The following TDG variants were observed in gnomAD, a reference collection of about 807,000 sequenced individuals.
TDG encodes the protein G/T mismatch-specific thymine DNA glycosylase.
TDG carries 23 observed loss-of-function variants against 46.1 expected under a neutral mutation model. The ratio of observed to expected loss-of-function variants is 0.50; its 90% confidence interval spans 0.36 to 0.71. The LOEUF is 0.71. Ranked by LOEUF, TDG falls within the 30% of genes least tolerant of loss-of-function variation. TDG has a pLI of 0.00. For missense variants in TDG, 304 were observed against 486.7 expected (o/e 0.62, Z 3.53); for synonymous variants, 115 against 161.3 (o/e 0.71, Z 2.18).
At chr12:103,972,367 T>C (rs1871326772) in intron 1 of TDG, among the ~76,000 whole-genome samples, 1 of 152,212 alleles carries the variant, frequency 6.6e-6, no homozygotes, top group Non-Finnish European at 1.5e-5. Flanking sequence ...TCCAACCCCC[T>C]CGGCCTCCCA....
chr12:103,985,322 G>C (rs1872086947), intron 8 of TDG, among the ~76,000 whole-genome samples: 1 of 152,014 alleles, frequency 6.6e-6, no homozygotes. Context: ...CTTTTACCAA[G>C]GTCTTCCCTC....
At chr12:103,979,142 G>A (rs1593513820) in intron 2 of TDG, among the ~76,000 whole-genome samples, 1 of 109,160 alleles carries the variant, frequency 9.2e-6, no homozygotes, top group Admixed American at 1.3e-4. Context: ...TTGCTCTGTT[G>A]CCCAGGCTGG....
intron 2 of TDG, among the ~76,000 whole-genome samples, chr12:103,979,109 C>CTTTCTTT (rs571161901): frequency 1.2e-4 from 15 of 123,582 alleles, no homozygotes; most frequent in South Asian, 4.9e-4. Context: ...TTTTTTCTTT[C>CTTTCTTT]TTTTTTTTTT....
Position 103,987,270 on chromosome 12 carries a change from T to A in TDG, c.*180T>A, listed in dbSNP as rs1872212570. The A allele has an allele frequency of 3.5e-6, 3 of 866,536 alleles. No individual in the cohort carries two copies. Among genetic ancestry groups the A allele is most frequent in the Non-Finnish European group, 1.6e-6 (1 of 607,860 alleles). The allele number at this position is 866,536 out of a possible 1,614,324, so 53.7% of individuals were successfully genotyped here. On this transcript the variant is annotated 3_prime_UTR_variant, in exon 10 of 10. Transcript: ENST00000392872. ...AACCTAAGTAGTTTGGAAGAAAAAG[T>A]AGGGTTTTTGTATACTAGCTTTTGT...
intron 1 of TDG, among the ~76,000 whole-genome samples, chr12:103,973,683 G>A (rs2583272): frequency 6.6e-6 from 1 of 152,066 alleles, no homozygotes; most frequent in Non-Finnish European, 1.5e-5. Flanking sequence ...GGAAAAAAAG[G>A]ACATTTTACT....
chr12:103,979,524 ATG>A (rs1871713569), intron 2 of TDG, among the ~76,000 whole-genome samples: 1 of 152,188 alleles, frequency 6.6e-6, no homozygotes, highest in Non-Finnish European at 1.5e-5. Context: ...ATAAAATGAT[ATG>A]TAGATACTTT....
At chr12:103,985,011 A>C in intron 8 of TDG, 91 bp downstream of exon 8, 2 of 1,000,302 alleles carry the variant, frequency 2.0e-6, no homozygotes, top group South Asian at 2.4e-5. Context: ...ACATATATAC[A>C]TATACACATA....
chr12:103,974,495 A>T (rs1400128940), intron 1 of TDG, among the ~76,000 whole-genome samples: 1 of 151,718 alleles, frequency 6.6e-6, no homozygotes, highest in South Asian at 2.1e-4. Flanking sequence ...TGCCCCGGCC[A>T]CTCTTGAATT....
At chr12:103,974,838 T>C (rs4964163) in intron 1 of TDG, among the ~76,000 whole-genome samples, 13,340 of 150,794 alleles carry the variant, frequency 0.088, 769 homozygotes, top group East Asian at 0.31. Flanking sequence ...CTGGGTGTGG[T>C]GGTGGGGGCG....
chr12:103,981,410 T>A (rs1456133713), intron 4 of TDG, among the ~76,000 whole-genome samples: 4 of 151,912 alleles, frequency 2.6e-5, no homozygotes, highest in Non-Finnish European at 5.9e-5. Flanking sequence ...TAATTTTGTA[T>A]TTTTAGTAGA....
chr12:103,966,082 C>A (rs1486047554), intron 1 of TDG, 22 bp downstream of exon 1: 2 of 1,559,960 alleles, frequency 1.3e-6, no homozygotes, highest in Middle Eastern at 1.7e-4. Context: ...GCCAGCGCCG[C>A]CCCTCCCTTG....
intron 4 of TDG, among the ~76,000 whole-genome samples, chr12:103,982,309 T>C (rs988228258): frequency 6.6e-6 from 1 of 152,204 alleles, no homozygotes; most frequent in Non-Finnish European, 1.5e-5. Flanking sequence ...TGTTTGAATG[T>C]TGTTAGTCTA....
In TDG at chr12:103,987,340, T is replaced by C. The variant is rs4135143; in HGVS notation, c.*250T>C. 8,490 of 447,904 alleles carry C rather than the reference T, an allele frequency of 0.019. 9 individuals carry two copies. The highest frequency in any genetic ancestry group is 0.07 in the Middle Eastern group (111 of 1,578). The allele number at this position is 447,904 out of a possible 1,614,324, so 27.7% of individuals were successfully genotyped here. A position where few individuals can be genotyped will look rare whatever the true frequency, so the allele number is the denominator to read the frequency against. ...CCAGCTTTTTATATACTATATTTCATTTATGAAGAAATTGATTTTCTTTTG... is the reference window on the plus strand; with the variant it reads ...CCAGCTTTTTATATACTATATTTCACTTATGAAGAAATTGATTTTCTTTTG... On this transcript the variant is annotated 3_prime_UTR_variant, in exon 10 of 10. Transcript: ENST00000392872.
At chr12:103,968,075 T>G (rs901832589) in intron 1 of TDG, 6 of 152,016 alleles carry the variant, frequency 3.9e-5, no homozygotes, top group African/African-American at 1.2e-4. Context: ...AGTGATCACT[T>G]TGGCCTCCCA....
In TDG at chr12:103,965,905, T is replaced by C. The variant is rs887143397; in HGVS notation, c.-133T>C. On this transcript the variant is annotated 5_prime_UTR_variant, in exon 1 of 10. Transcript: ENST00000392872. ...GGAGGAGGAGCTTGAGTCCAGCCAC[T>C]GTCTGGGTACTGCCAGCCATCGGGC... The C allele has an allele frequency of 2.9e-6, 4 of 1,390,276 alleles. No homozygotes were observed. The highest frequency in any genetic ancestry group is 3.9e-6 in the Non-Finnish European group (4 of 1,029,834). 86.1% of individuals were successfully genotyped at this position (1,390,276 alleles called of 1,614,324 possible).
At position 103,987,193 on chromosome 12, in the gene TDG, C is replaced by T; in HGVS notation, c.*103C>T. The T allele has an allele frequency of 6.7e-7, 1 of 1,496,720 alleles. No individual in the cohort carries two copies. Among genetic ancestry groups the T allele is most frequent in the East Asian group, 2.3e-5 (1 of 43,484 alleles). The allele number at this position is 1,496,720 out of a possible 1,614,324, so 92.7% of individuals were successfully genotyped here. On this transcript the variant is annotated 3_prime_UTR_variant, in exon 10 of 10. Coordinates refer to ENST00000392872, the MANE Select transcript of TDG (RefSeq NM_003211.6). Reference sequence around the variant, plus strand: ...TGAAGTGTTTTATTAGTATTTTACTCTAGTGGTGTAATTGTAATGTAGAAC... The same window carrying T: ...TGAAGTGTTTTATTAGTATTTTACTTTAGTGGTGTAATTGTAATGTAGAAC...
intron 1 of TDG, among the ~76,000 whole-genome samples, chr12:103,974,081 G>T (rs1041635730): frequency 2.0e-5 from 3 of 152,138 alleles, no homozygotes; most frequent in African/African-American, 7.2e-5. Context: ...TTGGGCTTCT[G>T]TTTATCTTGA....
chr12:103,979,607 C>T (rs552406575), intron 2 of TDG, among the ~76,000 whole-genome samples: 3 of 152,220 alleles, frequency 2.0e-5, no homozygotes, highest in Admixed American at 6.5e-5. Flanking sequence ...ATTCTTCCCA[C>T]GAACAGCTAG....
intron 4 of TDG, 128 bp from the exon 5 acceptor site, chr12:103,982,671 G>A (rs1375530618): frequency 1.2e-6 from 1 of 832,682 alleles, no homozygotes; most frequent in South Asian, 1.9e-5. Context: ...AGGCTGAAGT[G>A]GGAGGATTGC....
Sources: gnomAD v4.1 joint callset for allele counts (sites outside exome capture counted in the v4.1 genomes callset) on GRCh38, gnomAD v4.1.1 for gene constraint, MANE v1.5 for transcripts, NCBI Gene and HGNC (gene_info 2026-07-23, HGNC 2026-07-21) for gene names.